The following BICC1 variants were observed in gnomAD, a reference collection of about 807,000 sequenced individuals.
The protein encoded by BICC1 is protein bicaudal C homolog 1.
A neutral mutation model predicts 111.0 loss-of-function variants in BICC1; 43 were observed. The ratio of observed to expected loss-of-function variants is 0.39; its 90% CI spans 0.30 to 0.50. The LOEUF is 0.50. BICC1 is among the 20% of genes least tolerant of loss of function. The pLI is 0.88. For missense variants in BICC1, 1,091 were observed against 1,203.2 expected, an observed-to-expected ratio of 0.91 and a Z score of 1.38; for synonymous variants, 467 against 434.4, an observed-to-expected ratio of 1.07 and a Z score of -0.93.
chr10:58,565,137 A>T (rs1843717657), intron 1 of BICC1, among the ~76,000 whole-genome samples: 1 of 152,192 alleles, frequency 6.6e-6, no homozygotes, highest in Non-Finnish European at 1.5e-5. Flanking sequence ...TATGTTTGCA[A>T]ATTGATAGAG....
At chr10:58,809,179 C>T (rs542472774) in intron 17 of BICC1, among the ~76,000 whole-genome samples, 13 of 151,462 alleles carry the variant, frequency 8.6e-5, no homozygotes, top group East Asian at 5.9e-4. Context: ...TGCGCCACAA[C>T]GCTCAGCTAA....
At chr10:58,535,434 T>G (rs1398481856) in intron 1 of BICC1, among the ~76,000 whole-genome samples, 1 of 151,738 alleles carries the variant, frequency 6.6e-6, no homozygotes, top group Non-Finnish European at 1.5e-5. Context: ...TTTAGTCTTC[T>G]TAAACAGAAT....
At chr10:58,626,026 A>G (rs1467076101) in intron 2 of BICC1, among the ~76,000 whole-genome samples, 1 of 152,254 alleles carries the variant, frequency 6.6e-6, no homozygotes, top group Non-Finnish European at 1.5e-5. Flanking sequence ...AATCAAATTT[A>G]ATTTAAATAA....
intron 1 of BICC1, among the ~76,000 whole-genome samples, chr10:58,577,071 A>G (rs1439034433): frequency 2.6e-5 from 4 of 152,172 alleles, no homozygotes; most frequent in African/African-American, 9.7e-5. Flanking sequence ...AGCAACTTTG[A>G]TCAGATGAGG....
At chr10:58,518,739 T>C (rs1842312260) in intron 1 of BICC1, among the ~76,000 whole-genome samples, 1 of 152,058 alleles carries the variant, frequency 6.6e-6, no homozygotes, top group African/African-American at 2.4e-5. Context: ...TCAGAGGTTG[T>C]ATAGCTTGGC....
At chr10:58,776,645 G>C (rs1048902240) in intron 3 of BICC1, among the ~76,000 whole-genome samples, 6 of 152,014 alleles carry the variant, frequency 3.9e-5, no homozygotes, top group Non-Finnish European at 8.8e-5. Context: ...TGCCATGTGG[G>C]GTGTCTTGGC....
In BICC1 at chr10:58,796,542, T is replaced by C. The variant is rs778659158; in HGVS notation, c.1366+16T>C. The C allele has an allele frequency of 1.3e-5, 20 of 1,596,424 alleles. No homozygotes were observed. The highest frequency in any genetic ancestry group is 1.7e-5 in the Non-Finnish European group (20 of 1,170,066). On this transcript the variant is annotated intron_variant, in intron 10 of 20. Transcript: ENST00000373886. Reference sequence around the variant, plus strand: ...ACTGGACTAGGTATACAATTTATTATTACAGCGCGTCTCAGTCACTGGGGA... The same window carrying C: ...ACTGGACTAGGTATACAATTTATTACTACAGCGCGTCTCAGTCACTGGGGA...
chr10:58,608,972 A>G (rs1845326036), intron 1 of BICC1, among the ~76,000 whole-genome samples: 1 of 152,238 alleles, frequency 6.6e-6, no homozygotes, highest in Admixed American at 6.5e-5. Flanking sequence ...AGCAAAACAG[A>G]CTGCCTGGTC....
intron 1 of BICC1, among the ~76,000 whole-genome samples, chr10:58,573,596 C>G (rs944473131): frequency 6.6e-6 from 1 of 152,050 alleles, no homozygotes; most frequent in Admixed American, 6.6e-5. Flanking sequence ...CTTTATTAGG[C>G]GGTGTGTAAT....
chr10:58,569,676 A>G (rs1382415309), intron 1 of BICC1, among the ~76,000 whole-genome samples: 1 of 152,194 alleles, frequency 6.6e-6, no homozygotes, highest in Admixed American at 6.5e-5. Context: ...GTTGCTGAGA[A>G]TGATCGTTTC....
At chr10:58,773,782 C>G (rs1842679689) in intron 3 of BICC1, among the ~76,000 whole-genome samples, 1 of 152,176 alleles carries the variant, frequency 6.6e-6, no homozygotes, top group African/African-American at 2.4e-5. Flanking sequence ...AAGTTGCCAT[C>G]CTGGTGAAAC....
At chr10:58,809,410 T>A (rs561873132) in intron 17 of BICC1, among the ~76,000 whole-genome samples, 31 of 152,212 alleles carry the variant, frequency 2.0e-4, no homozygotes, top group African/African-American at 6.7e-4. Flanking sequence ...TGGCTAGTCT[T>A]TGTATTTTTG....
intron 1 of BICC1, among the ~76,000 whole-genome samples, chr10:58,568,467 G>A (rs1441995074): frequency 1.3e-5 from 2 of 152,232 alleles, no homozygotes; most frequent in South Asian, 2.1e-4. Flanking sequence ...GTATTATATA[G>A]CACTTATTTT....
At chr10:58,524,299 A>G (rs1170875712) in intron 1 of BICC1, among the ~76,000 whole-genome samples, 3 of 152,298 alleles carry the variant, frequency 2.0e-5, no homozygotes, top group Admixed American at 2.0e-4. Flanking sequence ...ACTTCAAACT[A>G]TACTACAAGG....
chr10:58,801,380 C>T (rs918805459), intron 14 of BICC1, among the ~76,000 whole-genome samples: 4 of 152,094 alleles, frequency 2.6e-5, no homozygotes, highest in Admixed American at 2.0e-4. Context: ...GAAATTTTCC[C>T]ACTGTGAATT....
At chr10:58,648,458 T>A in intron 2 of BICC1, 1 of 946,838 alleles carries the variant, frequency 1.1e-6, no homozygotes, top group African/African-American at 1.8e-5. Flanking sequence ...ATACACAGAG[T>A]TATGTTCTCT....
intron 3 of BICC1, among the ~76,000 whole-genome samples, chr10:58,784,269 C>CAG (rs1236846162): frequency 6.6e-6 from 1 of 152,148 alleles, no homozygotes; most frequent in Non-Finnish European, 1.5e-5. Context: ...GTCCCTGGAA[C>CAG]AGTGCCTGGT....
At chr10:58,598,006 A>T (rs1376882743) in intron 1 of BICC1, among the ~76,000 whole-genome samples, 1 of 152,158 alleles carries the variant, frequency 6.6e-6, no homozygotes, top group African/African-American at 2.4e-5. Context: ...TCAGCATATG[A>T]AGATAACAGG....
intron 3 of BICC1, among the ~76,000 whole-genome samples, chr10:58,720,153 T>A (rs1317873114): frequency 6.6e-6 from 1 of 152,238 alleles, no homozygotes; most frequent in Non-Finnish European, 1.5e-5. Flanking sequence ...AAACCTGGCC[T>A]TTAGTTTCTT....
Sources: allele counts gnomAD v4.1 joint callset (sites outside exome capture counted in the v4.1 genomes callset), GRCh38; gene constraint gnomAD v4.1.1; transcripts MANE v1.5; gene names NCBI Gene and HGNC (gene_info 2026-07-23, HGNC 2026-07-21).